KIF13B: variants seen among roughly 807,000 people sequenced by gnomAD.
The protein encoded by KIF13B is kinesin family member 13B.
In KIF13B, 127 loss-of-function variants were observed where a neutral mutation model predicts 222.0. The observed-to-expected ratio is 0.57, with a 90% confidence interval of 0.50 to 0.66. KIF13B has a LOEUF of 0.66. KIF13B is among the 30% of genes least tolerant of loss of function. The pLI is 0.00. For synonymous variants in KIF13B, 976 were observed against 919.0 expected (o/e 1.06, Z -1.12); for missense variants, 2,173 against 2,379.0 (o/e 0.91, Z 1.80).
chr8:29,147,541 T>C lies in KIF13B; in HGVS notation c.1875A>G (p.Ala625=), dbSNP rs937824425. The C allele has an allele frequency of 2.5e-6, 4 of 1,613,612 alleles. No homozygotes were observed. The Admixed American group carries it at 6.7e-5, about 27-fold the overall frequency. Reference sequence around the variant, plus strand: ...CATACATAAGCCTCTGGCGCTCCAGTGCAGATCGTTTTTCTTCTTCATGCT... The same window carrying C: ...CATACATAAGCCTCTGGCGCTCCAGCGCAGATCGTTTTTCTTCTTCATGCT... The part of the protein sequence containing the change: ...EQQHEEEKRS[A]LERQRLMYEH... The change falls in exon 17 of 40, where the codon GCA becomes GCG. Residue 625 remains alanine, a synonymous_variant. Coordinates refer to ENST00000524189, the MANE Select transcript of KIF13B (RefSeq NM_015254.4).
In KIF13B at chr8:29,130,635, G is replaced by A; in HGVS notation, c.2973C>T (p.Phe991=). The A allele has an allele frequency of 1.2e-6, 2 of 1,613,832 alleles. No individual in the cohort carries two copies. Among genetic ancestry groups the A allele is most frequent in the Non-Finnish European group, 1.7e-6 (2 of 1,179,778 alleles). ...RWSEVTRKLE[F]WVQILEQNEN... is the part of the protein sequence containing the mutation. ...CATTCTGTTCCAAGATTTGAACCCA[G>A]AATTCCAATTTCCTGGTCACTTCAC... The change falls in exon 24 of 40, where the codon TTC becomes TTT. Residue 991 remains phenylalanine (F), a synonymous_variant. Coordinates refer to ENST00000524189, the MANE Select transcript of KIF13B (RefSeq NM_015254.4).
intron 38 of KIF13B, among the ~76,000 whole-genome samples, chr8:29,074,410 G>A (rs758867370): frequency 7.2e-5 from 11 of 152,242 alleles, no homozygotes; most frequent in Non-Finnish European, 1.3e-4. Flanking sequence ...CACTTGACTG[G>A]AGTTGATTTG....
At chr8:29,078,001 G>C (rs1323068297) in intron 37 of KIF13B, among the ~76,000 whole-genome samples, 1 of 151,904 alleles carries the variant, frequency 6.6e-6, no homozygotes. Flanking sequence ...GCAGAGAGGA[G>C]GCCAGGCACG....
intron 30 of KIF13B, among the ~76,000 whole-genome samples, chr8:29,118,312 A>T (rs1181365971): frequency 1.3e-5 from 2 of 151,586 alleles, no homozygotes; most frequent in Non-Finnish European, 2.9e-5. Flanking sequence ...CAACATGGTG[A>T]AACCCCATCT....
intron 2 of KIF13B, among the ~76,000 whole-genome samples, chr8:29,243,605 G>A (rs6980903): frequency 4.0e-5 from 6 of 150,962 alleles, no homozygotes; most frequent in South Asian, 2.1e-4. Context: ...GGAGTGAGCC[G>A]AGATGGCACC....
chr8:29,177,920 T>C (rs1812551068), intron 8 of KIF13B, among the ~76,000 whole-genome samples: 1 of 152,046 alleles, frequency 6.6e-6, no homozygotes, highest in Admixed American at 6.6e-5. Flanking sequence ...TAAAAAACAA[T>C]ACAAAAAGCA....
chr8:29,163,379 A>T (rs1250773944), intron 12 of KIF13B, among the ~76,000 whole-genome samples: 1 of 152,196 alleles, frequency 6.6e-6, no homozygotes, highest in Non-Finnish European at 1.5e-5. Flanking sequence ...CCACAGGAAG[A>T]TGTTACAGAG....
chr8:29,142,110 C>T (rs760802298), intron 19 of KIF13B, 47 bp downstream of exon 19: 20 of 1,537,388 alleles, frequency 1.3e-5, no homozygotes, highest in Non-Finnish European at 1.8e-5. Context: ...TCCAGCTTGG[C>T]TCCTTCCATA....
intron 18 of KIF13B, among the ~76,000 whole-genome samples, chr8:29,145,378 C>G (rs1811013760): frequency 6.6e-6 from 1 of 152,130 alleles, no homozygotes; most frequent in Non-Finnish European, 1.5e-5. Context: ...CGCCTGTAAT[C>G]CCAGCACTTT....
At chr8:29,186,022 C>T (rs1349000272) in intron 6 of KIF13B, among the ~76,000 whole-genome samples, 7 of 152,170 alleles carry the variant, frequency 4.6e-5, no homozygotes, top group Non-Finnish European at 7.4e-5. Flanking sequence ...GACTAGGTTT[C>T]ATCTCTCTGA....
Position 29,261,161 on chromosome 8 carries a change from T to C in KIF13B, c.55+1819A>G, listed in dbSNP as rs939829198. 2.6e-5 allele frequency among the ~76,000 whole-genome samples: 4 copies of C among 152,188 alleles called. No homozygotes were observed. The East Asian group carries it at 7.7e-4, about 29-fold the overall frequency. On this transcript the variant is annotated intron_variant, in intron 1 of 39. Coordinates refer to ENST00000524189, the MANE Select transcript of KIF13B (RefSeq NM_015254.4). ...ACAGGAGGTACTTTACACCAAATAA[T>C]GCACTTCTCTATATAGGCTAATGGA...
chr8:29,178,578 G>C (rs1037913873), intron 8 of KIF13B, among the ~76,000 whole-genome samples: 2 of 147,578 alleles, frequency 1.4e-5, no homozygotes, highest in Admixed American at 1.4e-4. Flanking sequence ...CTTTAAAATA[G>C]ACATTTATTT....
In KIF13B at chr8:29,099,212, G is replaced by A; in HGVS notation, c.4245C>T (p.Ser1415=). The change falls in exon 36 of 40, where the codon TCC becomes TCT. Residue 1415 remains serine (S), a synonymous_variant. Transcript: ENST00000524189. The stretch of plus-strand genomic sequence containing the variant: ...CTATTCCTCTGGAAACTGTGGTTTG[G>A]GATACATCCTGCTGACTTTCCCACC... ...KGRWESQQDV[S]QTTVSRGIAP... is the part of the protein sequence containing the mutation. The A allele has an allele frequency of 6.2e-7, 1 of 1,613,126 alleles. No homozygotes were observed. Among genetic ancestry groups the A allele is most frequent in the Non-Finnish European group, 8.5e-7 (1 of 1,179,492 alleles).
At chr8:29,110,746 TG>T (rs2133613595) in intron 32 of KIF13B, 1 of 152,338 alleles carries the variant, frequency 6.6e-6, no homozygotes, top group Admixed American at 6.5e-5. Flanking sequence ...TGCATACAAA[TG>T]GGAGGTGCAC....
intron 2 of KIF13B, among the ~76,000 whole-genome samples, chr8:29,199,574 CAAA>C (rs10579222): frequency 0.02 from 2,398 of 119,428 alleles, 33 homozygotes; most frequent in African/African-American, 0.04. Flanking sequence ...TTCCAAAATC[CAAA>C]AAAAAAAAAA....
At chr8:29,127,392 ATTG>A in intron 24 of KIF13B, 124 bp from the exon 25 acceptor site, 1 of 641,546 alleles carries the variant, frequency 1.6e-6, no homozygotes, top group East Asian at 2.7e-5. Context: ...ACTATACCTT[ATTG>A]TTAAGCATTA....
intron 37 of KIF13B, among the ~76,000 whole-genome samples, chr8:29,089,244 G>T (rs149686423): frequency 2.4e-4 from 36 of 152,244 alleles, no homozygotes; most frequent in African/African-American, 8.2e-4. Flanking sequence ...ACCAACCTGG[G>T]CAACACAGCG....
chr8:29,081,294 G>A (rs1291157087), intron 37 of KIF13B, among the ~76,000 whole-genome samples: 1 of 152,130 alleles, frequency 6.6e-6, no homozygotes, highest in Non-Finnish European at 1.5e-5. Context: ...TCCCCAACAG[G>A]GCAGCAGCCC....
chr8:29,140,607 G>T lies in KIF13B; in HGVS notation c.2345C>A (p.Ser782Ter). 1 of 1,612,920 alleles carries T rather than the reference G, an allele frequency of 6.2e-7. No individual in the cohort carries two copies. Among genetic ancestry groups the T allele is most frequent in the African/African-American group, 1.3e-5 (1 of 75,004 alleles). Residue 782 changes from serine to a stop codon, truncating the protein, a stop_gained, in exon 20 of 40, where the codon TCA becomes TAA. Coordinates refer to ENST00000524189, the MANE Select transcript of KIF13B (RefSeq NM_015254.4). LOFTEE classifies it high-confidence loss of function. Reference protein sequence around the residue: ...ECEEDNPVIRSYFKRADPFYD... With the variant: ...ECEEDNPVIR ...GAATGGATCAGCACGTTTGAAGTATGATCGTATTACCTGTAAAGAGATTGA... is the reference window on the plus strand; with the variant it reads ...GAATGGATCAGCACGTTTGAAGTATTATCGTATTACCTGTAAAGAGATTGA...
Sources: gnomAD v4.1 joint callset for allele counts (sites outside exome capture counted in the v4.1 genomes callset) on GRCh38, gnomAD v4.1.1 for gene constraint, MANE v1.5 for transcripts, NCBI Gene and HGNC (gene_info 2026-07-23, HGNC 2026-07-21) for gene names.